STAU2: variants seen among roughly 807,000 people sequenced by gnomAD.
The protein encoded by STAU2 is double-stranded RNA-binding protein Staufen homolog 2.
A neutral mutation model predicts 65.9 loss-of-function variants in STAU2; 20 were observed. The observed-to-expected ratio is 0.30, with a 90% CI of 0.21 to 0.44. The LOEUF (loss-of-function observed/expected upper bound fraction) is 0.44. Among genes scored for constraint, STAU2 ranks in the 20% least tolerant of loss-of-function variants. The pLI is 1.00. For synonymous variants in STAU2, 232 were observed against 233.9 expected, an observed-to-expected ratio of 0.99 and a Z score of 0.07; for missense variants, 558 against 683.9, an observed-to-expected ratio of 0.82 and a Z score of 2.05.
chr8:73,662,092 G>A (rs753015675), intron 6 of STAU2, among the ~76,000 whole-genome samples: 8 of 152,126 alleles, frequency 5.3e-5, no homozygotes, highest in Non-Finnish European at 7.3e-5. Flanking sequence ...GACACTAGGT[G>A]TTGTCAGTCT....
At chr8:73,640,660 A>G (rs907656394) in intron 6 of STAU2, among the ~76,000 whole-genome samples, 5 of 152,108 alleles carry the variant, frequency 3.3e-5, no homozygotes, top group Non-Finnish European at 7.4e-5. Context: ...TCTTCTACTA[A>G]TTTTTTCAAT....
intron 13 of STAU2, among the ~76,000 whole-genome samples, chr8:73,509,620 T>C (rs1430822288): frequency 6.6e-6 from 1 of 152,084 alleles, no homozygotes; most frequent in East Asian, 1.9e-4. Context: ...AATTCACAGA[T>C]TGGATATTAA....
intron 13 of STAU2, chr8:73,511,451 T>C (rs554116756): frequency 6.5e-6 from 1 of 152,796 alleles, no homozygotes; most frequent in East Asian, 1.9e-4. Flanking sequence ...TTACTGTTAG[T>C]GCTTTCTTCT....
intron 13 of STAU2, among the ~76,000 whole-genome samples, chr8:73,461,486 G>A (rs1190313342): frequency 6.6e-6 from 1 of 152,064 alleles, no homozygotes; most frequent in African/African-American, 2.4e-5. Flanking sequence ...TCTGTGGTTT[G>A]AAAGACAATC....
intron 3 of STAU2, among the ~76,000 whole-genome samples, chr8:73,733,959 A>T (rs887762497): frequency 2.6e-5 from 4 of 152,166 alleles, no homozygotes; most frequent in Non-Finnish European, 5.9e-5. Flanking sequence ...ACATTTAAAA[A>T]ATTTACTATG....
At position 73,570,247 on chromosome 8, in the gene STAU2, G is replaced by A. The variant is rs575920490; in HGVS notation, c.1222+12523C>T. 5.0e-4 allele frequency among the ~76,000 whole-genome samples: 76 copies of A among 152,242 alleles called. 1 individual carries two copies. Among genetic ancestry groups the A allele is most frequent in the African/African-American group, 1.8e-3 (75 of 41,536 alleles). On this transcript the variant is annotated intron_variant, in intron 12 of 14. Transcript: ENST00000524300. Reference sequence around the variant, plus strand: ...AAAGATTAAACTAATGAAATAAAGCGAGAAGTTTAGAGAAAAAAAGAGTAA... The same window carrying A: ...AAAGATTAAACTAATGAAATAAAGCAAGAAGTTTAGAGAAAAAAAGAGTAA...
intron 13 of STAU2, among the ~76,000 whole-genome samples, chr8:73,492,851 T>C (rs1821217078): frequency 6.6e-6 from 1 of 151,864 alleles, no homozygotes; most frequent in South Asian, 2.1e-4. Context: ...TTTTTTATGG[T>C]AGTACAAAGC....
chr8:73,423,980 A>T (rs1328186515), intron 13 of STAU2, among the ~76,000 whole-genome samples: 4 of 152,090 alleles, frequency 2.6e-5, no homozygotes, highest in Non-Finnish European at 4.4e-5. Flanking sequence ...GCCTAATGGC[A>T]TTTATCCACC....
At chr8:73,506,357 A>G in intron 13 of STAU2, among the ~76,000 whole-genome samples, 1 of 152,142 alleles carries the variant, frequency 6.6e-6, no homozygotes, top group South Asian at 2.1e-4. Context: ...CCTCAGAGAC[A>G]TTACAGGTGA....
intron 6 of STAU2, among the ~76,000 whole-genome samples, chr8:73,656,941 C>T (rs894804722): frequency 1.3e-5 from 2 of 152,170 alleles, no homozygotes; most frequent in African/African-American, 4.8e-5. Flanking sequence ...ATGCTGATAT[C>T]AGACAAAGCA....
chr8:73,713,360 A>G (rs1214998963), intron 3 of STAU2, among the ~76,000 whole-genome samples: 1 of 152,202 alleles, frequency 6.6e-6, no homozygotes, highest in Non-Finnish European at 1.5e-5. Flanking sequence ...TGAACAAGCT[A>G]CAAAATAATG....
chr8:73,636,417 T>A (rs1814519608), intron 6 of STAU2, among the ~76,000 whole-genome samples: 1 of 151,756 alleles, frequency 6.6e-6, no homozygotes, highest in Non-Finnish European at 1.5e-5. Context: ...CACAGGAACA[T>A]AATAGAATCT....
At chr8:73,743,661 C>A (rs955193137) in intron 1 of STAU2, among the ~76,000 whole-genome samples, 1 of 151,278 alleles carries the variant, frequency 6.6e-6, no homozygotes, top group African/African-American at 2.4e-5. Flanking sequence ...TTAGTAGAGA[C>A]GGGGTTTCTC....
chr8:73,486,658 T>TATA (rs1491264449), intron 13 of STAU2, among the ~76,000 whole-genome samples: 21 of 34,152 alleles, frequency 6.1e-4, no homozygotes, highest in African/African-American at 1.2e-3. Flanking sequence ...TATATATATA[T>TATA]TTTTTTTTTT....
At chr8:73,743,559 C>A (rs1807039257) in intron 1 of STAU2, among the ~76,000 whole-genome samples, 1 of 150,538 alleles carries the variant, frequency 6.6e-6, no homozygotes, top group Non-Finnish European at 1.5e-5. Context: ...CCGCAAGATC[C>A]GCCTCCTGGT....
intron 13 of STAU2, among the ~76,000 whole-genome samples, chr8:73,530,501 G>T (rs1805742754): frequency 6.6e-6 from 1 of 152,180 alleles, no homozygotes; most frequent in South Asian, 2.1e-4. Context: ...CAGCTAGTGG[G>T]TAGCTCTAAG....
chr8:73,646,636 A>C (rs1815393582), intron 6 of STAU2, among the ~76,000 whole-genome samples: 1 of 152,192 alleles, frequency 6.6e-6, no homozygotes, highest in Non-Finnish European at 1.5e-5. Flanking sequence ...AAAACCTAGG[A>C]GAACACCTTT....
intron 13 of STAU2, among the ~76,000 whole-genome samples, chr8:73,526,869 C>T (rs1478870227): frequency 6.6e-6 from 1 of 152,076 alleles, no homozygotes; most frequent in African/African-American, 2.4e-5. Context: ...AGAAATAAAC[C>T]TTTAAAAGTA....
intron 6 of STAU2, among the ~76,000 whole-genome samples, chr8:73,663,719 A>G (rs955386034): frequency 2.1e-5 from 3 of 144,752 alleles, no homozygotes; most frequent in African/African-American, 5.2e-5. Flanking sequence ...TAAATAATAG[A>G]GTCTTCTTTA....
Sources: gnomAD v4.1 joint callset for allele counts (sites outside exome capture counted in the v4.1 genomes callset) on GRCh38, gnomAD v4.1.1 for gene constraint, MANE v1.5 for transcripts, NCBI Gene and HGNC (gene_info 2026-07-23, HGNC 2026-07-21) for gene names.